The following MYO3B variants were observed in gnomAD, a reference collection of about 807,000 sequenced individuals.
The protein encoded by MYO3B is myosin-IIIb.
Under a neutral mutation model 174.6 loss-of-function variants are expected in MYO3B, and 156 were observed. That is an observed-to-expected ratio of 0.89 (90% CI 0.78 to 1.02). The LOEUF is 1.02. Ranked by LOEUF, MYO3B falls within the 50% of genes least tolerant of loss-of-function variation. The probability of loss-of-function intolerance (pLI) is 0.00; values close to 1 mark genes in which losing one functional copy is unlikely to be tolerated. For missense variants in MYO3B, 1,632 were observed against 1,639.4 expected (o/e 1.00, Z 0.08); for synonymous variants, 563 against 569.1 (o/e 0.99, Z 0.15).
At chr2:170,416,016 T>C (rs2094576322) in intron 22 of MYO3B, among the ~76,000 whole-genome samples, 1 of 152,166 alleles carries the variant, frequency 6.6e-6, no homozygotes, top group African/African-American at 2.4e-5. Context: ...GATAGTCCAC[T>C]TAAAATCATG....
intron 9 of MYO3B, among the ~76,000 whole-genome samples, chr2:170,371,611 C>T (rs760690073): frequency 4.5e-4 from 68 of 151,776 alleles, no homozygotes; most frequent in Non-Finnish European, 8.5e-4. Flanking sequence ...GTTTTTCAGC[C>T]CACCAGGAAA....
At chr2:170,189,557 A>G (rs2105316412) in intron 1 of MYO3B, among the ~76,000 whole-genome samples, 1 of 151,868 alleles carries the variant, frequency 6.6e-6, no homozygotes, top group Middle Eastern at 3.4e-3. Flanking sequence ...TATATTTTCA[A>G]ATAGCCTGTC....
At chr2:170,464,582 C>T (rs960176445) in intron 24 of MYO3B, among the ~76,000 whole-genome samples, 1 of 152,002 alleles carries the variant, frequency 6.6e-6, no homozygotes, top group African/African-American at 2.4e-5. Flanking sequence ...CGCGGAAGTC[C>T]AGCCTAGCCA....
At chr2:170,595,409 T>TCTC (rs10661247) in intron 32 of MYO3B, among the ~76,000 whole-genome samples, 33,008 of 151,904 alleles carry the variant, frequency 0.22, 4,402 homozygotes, top group African/African-American at 0.38. Context: ...TTGCCCCTCT[T>TCTC]CTTGTTTACT....
At chr2:170,186,564 A>C (rs746911194) in intron 1 of MYO3B, among the ~76,000 whole-genome samples, 2 of 152,130 alleles carry the variant, frequency 1.3e-5, no homozygotes, top group African/African-American at 2.4e-5. Flanking sequence ...ATTCATCAGG[A>C]ATATTAGCCT....
chr2:170,265,750 T>C (rs2093378453), intron 7 of MYO3B, among the ~76,000 whole-genome samples: 1 of 152,214 alleles, frequency 6.6e-6, no homozygotes, highest in African/African-American at 2.4e-5. Context: ...TCCTGTACTT[T>C]TTTCTCCTTT....
At chr2:170,582,335 A>C (rs1693204326) in intron 32 of MYO3B, among the ~76,000 whole-genome samples, 1 of 152,194 alleles carries the variant, frequency 6.6e-6, no homozygotes, top group Admixed American at 6.5e-5. Flanking sequence ...AGGACAATAA[A>C]GGCTTCGTGG....
At chr2:170,630,866 A>C (rs1208241333) in intron 32 of MYO3B, among the ~76,000 whole-genome samples, 1 of 152,242 alleles carries the variant, frequency 6.6e-6, no homozygotes, top group Non-Finnish European at 1.5e-5. Flanking sequence ...ATCAATATCA[A>C]CAAAAAGGAC....
chr2:170,325,845 G>A (rs752969992), intron 7 of MYO3B, among the ~76,000 whole-genome samples: 4 of 152,060 alleles, frequency 2.6e-5, no homozygotes, highest in Non-Finnish European at 5.9e-5. Flanking sequence ...TCCACTCCCT[G>A]CAGATGAAAG....
intron 25 of MYO3B, among the ~76,000 whole-genome samples, chr2:170,486,862 C>T (rs960925542): frequency 1.3e-5 from 2 of 152,232 alleles, no homozygotes; most frequent in Non-Finnish European, 2.9e-5. Context: ...CCTTCAGAAG[C>T]TTCTAAGCAT....
intron 23 of MYO3B, among the ~76,000 whole-genome samples, chr2:170,463,075 T>C (rs148716735): frequency 5.3e-5 from 8 of 152,372 alleles, no homozygotes; most frequent in African/African-American, 1.7e-4. Flanking sequence ...CATATGACCT[T>C]ACTGGAGAAT....
Position 170,518,145 on chromosome 2 carries a change from A to G in MYO3B, c.3473-1293A>G, listed in dbSNP as rs571976299. ...GAATTGCATTTATTCCACACAAGAAATATTTATGCTGAGGAACCAAACTGA... is the reference window on the plus strand; with the variant it reads ...GAATTGCATTTATTCCACACAAGAAGTATTTATGCTGAGGAACCAAACTGA... On this transcript the variant is annotated intron_variant, in intron 29 of 34. Coordinates refer to ENST00000408978, the MANE Select transcript of MYO3B (RefSeq NM_138995.5). Among the ~76,000 whole-genome samples, 42 of 152,320 alleles carry G rather than the reference A, an allele frequency of 2.8e-4. No individual in the cohort carries two copies. In the South Asian group the frequency reaches 5.4e-3, roughly 20 times the overall value.
rs563282617 is a variant in MYO3B, at chr2:170,380,799, AT to A, written c.972-1216del. Among the ~76,000 whole-genome samples the A allele has an allele frequency of 9.6e-4, 146 of 152,310 alleles. 2 individuals are homozygous for A. The highest frequency in any genetic ancestry group is 3.4e-3 in the Middle Eastern group (1 of 294). On this transcript the variant is annotated intron_variant, in intron 9 of 34. Coordinates refer to ENST00000408978, the MANE Select transcript of MYO3B (RefSeq NM_138995.5). ...TATTACTAGTAGCAAAAAAATTGGA[AT>A]CAGCCTAAATGTTGATCAACATAGG...
At chr2:170,451,618 A>G (rs188462144) in intron 23 of MYO3B, among the ~76,000 whole-genome samples, 323 of 152,340 alleles carry the variant, frequency 2.1e-3, no homozygotes, top group African/African-American at 7.1e-3. Flanking sequence ...TTCTAACAAA[A>G]TATTTGATTT....
At chr2:170,305,911 A>G (rs1179099326) in intron 7 of MYO3B, among the ~76,000 whole-genome samples, 2 of 152,164 alleles carry the variant, frequency 1.3e-5, no homozygotes, top group Middle Eastern at 3.2e-3. Context: ...AGTGGGTTAA[A>G]GCGATAAACA....
At position 170,423,280 on chromosome 2, in the gene MYO3B, G is replaced by A. The variant is rs983462228; in HGVS notation, c.2650+15436G>A. Among the ~76,000 whole-genome samples the A allele has an allele frequency of 2.6e-5, 4 of 152,118 alleles. No homozygotes were observed. In the East Asian group the frequency reaches 5.8e-4, roughly 22 times the overall value. ...TTACAGGTGTGAGCCACCGTGCCCA[G>A]CCTAATCCAGCCACATTTCATATGT... On this transcript the variant is annotated intron_variant, in intron 22 of 34. Coordinates refer to ENST00000408978, the MANE Select transcript of MYO3B (RefSeq NM_138995.5).
At position 170,404,300 on chromosome 2, in the gene MYO3B, C is replaced by T. The variant is rs1412990333; in HGVS notation, c.2331C>T (p.Asn777=). The change falls in exon 20 of 35, where the codon AAC becomes AAT. Residue 777 remains asparagine (N), a synonymous_variant. Transcript: ENST00000408978. ...CTGTACCCGTGGAATATGAGGACAA[C>T]CGCCCGCTCTTGGACATGTTCCTCC... ...IDAVPVEYED[N]RPLLDMFLQK... 23 of 1,613,608 alleles carry T rather than the reference C, an allele frequency of 1.4e-5. No individual in the cohort carries two copies. The highest frequency in any genetic ancestry group is 1.7e-4 in the Middle Eastern group (1 of 6,060).
chr2:170,178,618 A>G (rs934911640), intron 1 of MYO3B, among the ~76,000 whole-genome samples: 1 of 152,148 alleles, frequency 6.6e-6, no homozygotes, highest in Non-Finnish European at 1.5e-5. Flanking sequence ...TGCCACCTGC[A>G]GTTTATAATA....
intron 7 of MYO3B, among the ~76,000 whole-genome samples, chr2:170,305,699 A>G (rs369007954): frequency 9.2e-4 from 140 of 152,236 alleles, no homozygotes; most frequent in African/African-American, 3.2e-3. Flanking sequence ...GACTACCCCA[A>G]ACCTTTTTGT....
Sources: allele counts gnomAD v4.1 joint callset (sites outside exome capture counted in the v4.1 genomes callset), GRCh38; gene constraint gnomAD v4.1.1; transcripts MANE v1.5; gene names NCBI Gene and HGNC (gene_info 2026-07-23, HGNC 2026-07-21).